ZFP91: variants seen among roughly 807,000 people sequenced by gnomAD.
The protein encoded by ZFP91 is ZFP91 zinc finger protein, atypical E3 ubiquitin ligase, also known as E3 ubiquitin-protein ligase ZFP91.
A neutral mutation model predicts 63.5 loss-of-function variants in ZFP91; 7 were observed. The observed-to-expected ratio is 0.11, with a 90% CI of 0.06 to 0.21. ZFP91 has a LOEUF of 0.21. Among genes scored for constraint, ZFP91 ranks in the 10% least tolerant of loss-of-function variants. The probability of loss-of-function intolerance (pLI) is 1.00; values close to 1 mark genes in which losing one functional copy is unlikely to be tolerated. For synonymous variants in ZFP91, 330 were observed against 272.1 expected, an observed-to-expected ratio of 1.21 and a Z score of -2.10; for missense variants, 628 against 736.6, an observed-to-expected ratio of 0.85 and a Z score of 1.71.
intron 2 of ZFP91, among the ~76,000 whole-genome samples, chr11:58,607,498 TAGG>T (rs1455582354): frequency 1.3e-5 from 2 of 150,510 alleles, no homozygotes; most frequent in Admixed American, 6.6e-5. Flanking sequence ...ATAGCTCAGA[TAGG>T]AGGGTGATGC....
chr11:58,615,405 TGTTTTA>T (rs139309329), intron 9 of ZFP91, among the ~76,000 whole-genome samples: 21,604 of 152,134 alleles, frequency 0.14, 1,725 homozygotes, highest in Admixed American at 0.19. Context: ...CACTTTAGAT[TGTTTTA>T]GTTAAATATC....
intron 1 of ZFP91, among the ~76,000 whole-genome samples, chr11:58,582,838 A>G (rs1006709710): frequency 2.0e-5 from 3 of 152,166 alleles, no homozygotes; most frequent in Non-Finnish European, 4.4e-5. Context: ...GGAAGAGGAA[A>G]TATTTGTGGA....
chr11:58,611,005 C>G lies in ZFP91; in HGVS notation c.673C>G (p.Pro225Ala). Residue 225 changes from proline (P) to alanine (A), a missense_variant, in exon 5 of 11, where the codon CCA becomes GCA. Transcript: ENST00000316059. ...EEMLISEEEI[P>A]FKDDPRDETY... ...GATGTTAATCAGTGAAGAGGAGATA[C>G]CATTCAAAGATGATCCAAGAGATGA... 1 of 1,613,144 alleles carries G rather than the reference C, an allele frequency of 6.2e-7. No individual in the cohort carries two copies. The highest frequency in any genetic ancestry group is 8.5e-7 in the Non-Finnish European group (1 of 1,179,654).
chr11:58,600,374 A>G (rs930403597), intron 2 of ZFP91, among the ~76,000 whole-genome samples: 2 of 152,172 alleles, frequency 1.3e-5, no homozygotes, highest in African/African-American at 2.4e-5. Context: ...CATTGCTAAT[A>G]TACTTAAAAC....
rs372758953 is a variant in ZFP91, at chr11:58,611,555, T to C, written c.723-49T>C. ...AAGCTTTAATTTGTTGTCATAGTCT[T>C]CCTTGAAAAGATCTTTTGTCTAGTA... On this transcript the variant is annotated intron_variant, in intron 5 of 10. Coordinates refer to ENST00000316059, the MANE Select transcript of ZFP91 (RefSeq NM_053023.5). 37 of 1,586,916 alleles carry C rather than the reference T, an allele frequency of 2.3e-5. No individual in the cohort carries two copies. The African/African-American group carries it at 4.5e-4, about 19-fold the overall frequency.
rs116372157 is a variant in ZFP91, at chr11:58,614,956, G to T, written c.1102+613G>T. Among the ~76,000 whole-genome samples, 735 of 152,268 alleles carry T rather than the reference G, an allele frequency of 4.8e-3. 7 individuals are homozygous for T. Among genetic ancestry groups the T allele is most frequent in the African/African-American group, 0.017 (699 of 41,562 alleles). Reference sequence around the variant, plus strand: ...AAATTGGGTGCATACCACTGAGTATGTCCCAGACACTTGATAATTACACAT... The same window carrying T: ...AAATTGGGTGCATACCACTGAGTATTTCCCAGACACTTGATAATTACACAT... On this transcript the variant is annotated intron_variant, in intron 9 of 10. Coordinates refer to ENST00000316059, the MANE Select transcript of ZFP91 (RefSeq NM_053023.5).
chr11:58,585,015 G>C, intron 2 of ZFP91, 131 bp downstream of exon 2: 2 of 674,656 alleles, frequency 3.0e-6, no homozygotes, highest in Non-Finnish European at 4.4e-6. Context: ...ACTGGAGTTA[G>C]AAAATATTTA....
chr11:58,607,668 G>A (rs142121802), intron 2 of ZFP91, among the ~76,000 whole-genome samples: 16 of 152,152 alleles, frequency 1.1e-4, no homozygotes, highest in African/African-American at 3.9e-4. Flanking sequence ...AGCTAAAATA[G>A]CCTATAGTCA....
At chr11:58,586,329 T>C (rs1161753681) in intron 2 of ZFP91, among the ~76,000 whole-genome samples, 1 of 152,130 alleles carries the variant, frequency 6.6e-6, no homozygotes, top group Non-Finnish European at 1.5e-5. Context: ...AGATGACCTT[T>C]GGGTAGACGT....
rs1470882572 is a variant in ZFP91 at position 58,579,068 on chromosome 11, G to C, written c.-214G>C. On this transcript the variant is annotated 5_prime_UTR_variant, in exon 1 of 11. Transcript: ENST00000316059. ...GATTGGCCCGCTGAGCGTCTGTGGCGCGCGCGCGCGCGCCGCCAGCGGTAG... is the reference window on the plus strand; with the variant it reads ...GATTGGCCCGCTGAGCGTCTGTGGCCCGCGCGCGCGCGCCGCCAGCGGTAG... The C allele has an allele frequency of 3.0e-5, 11 of 361,164 alleles. No homozygotes were observed. The highest frequency in any genetic ancestry group is 1.2e-4 in the African/African-American group (5 of 42,620). 22.4% of individuals were successfully genotyped at this position (361,164 alleles called of 1,614,324 possible). A position where few individuals can be genotyped will look rare whatever the true frequency, so the allele number is the denominator to read the frequency against.
chr11:58,603,088 G>A (rs979285467), intron 2 of ZFP91, among the ~76,000 whole-genome samples: 1 of 152,184 alleles, frequency 6.6e-6, no homozygotes, highest in Non-Finnish European at 1.5e-5. Flanking sequence ...TGATGAACAT[G>A]TTATTGGACA....
chr11:58,607,365 A>G (rs1855585242), intron 2 of ZFP91, among the ~76,000 whole-genome samples: 1 of 152,190 alleles, frequency 6.6e-6, no homozygotes, highest in African/African-American at 2.4e-5. Context: ...GATTTTGAAT[A>G]AGCTTCTTTT....
At position 58,621,090 on chromosome 11, in the gene ZFP91, G is replaced by A. The variant is rs1855843539; in HGVS notation, c.*3384G>A. 1 of 152,630 alleles carries A rather than the reference G, an allele frequency of 6.6e-6. No homozygotes were observed. Among genetic ancestry groups the A allele is most frequent in the Non-Finnish European group, 1.5e-5 (1 of 68,024 alleles). 9.5% of individuals were successfully genotyped at this position (152,630 alleles called of 1,614,324 possible). A position where few individuals can be genotyped will look rare whatever the true frequency, so the allele number is the denominator to read the frequency against. The stretch of plus-strand genomic sequence containing the variant: ...ACTGAGTTACAGTTATCCTAGGGGT[G>A]AAACATGTGATGCTGCTAAGCAAAC... On this transcript the variant is annotated 3_prime_UTR_variant, in exon 11 of 11. Transcript: ENST00000316059.
intron 2 of ZFP91, among the ~76,000 whole-genome samples, 171 bp downstream of exon 2, chr11:58,585,055 A>G (rs922019666): frequency 6.6e-6 from 1 of 152,188 alleles, no homozygotes; most frequent in Non-Finnish European, 1.5e-5. Flanking sequence ...AATAGAGTAT[A>G]TTGGCATTAT....
In ZFP91 at chr11:58,619,590, G is replaced by A. The variant is rs571884027; in HGVS notation, c.*1884G>A. The A allele has an allele frequency of 4.4e-4, 67 of 152,684 alleles. No homozygotes were observed. Among genetic ancestry groups the A allele is most frequent in the Non-Finnish European group, 7.6e-4 (52 of 68,022 alleles). The allele number at this position is 152,684 out of a possible 1,614,324, so 9.5% of individuals were successfully genotyped here. On this transcript the variant is annotated 3_prime_UTR_variant, in exon 11 of 11. Transcript: ENST00000316059. Reference sequence around the variant, plus strand: ...GTAACAAAATGTCATTTCTGAAAGAGGCTTACTTTATACCAACTAGTGTCA... The same window carrying A: ...GTAACAAAATGTCATTTCTGAAAGAAGCTTACTTTATACCAACTAGTGTCA...
intron 8 of ZFP91, 26 bp downstream of exon 8, chr11:58,612,866 CT>C: frequency 6.3e-7 from 1 of 1,592,748 alleles, no homozygotes; most frequent in South Asian, 1.1e-5. Context: ...ATATAAGAGC[CT>C]TTCAGGTTGT....
At position 58,619,889 on chromosome 11, in the gene ZFP91, C is replaced by T. The variant is rs1275781798; in HGVS notation, c.*2183C>T. 5.3e-5 allele frequency: 8 copies of T among 151,782 alleles called. No homozygotes were observed. The highest frequency in any genetic ancestry group is 1.9e-4 in the African/African-American group (8 of 41,420). The allele number at this position is 151,782 out of a possible 1,614,324, so 9.4% of individuals were successfully genotyped here. A position where few individuals can be genotyped will look rare whatever the true frequency, so the allele number is the denominator to read the frequency against. ...CTCAGGTCCCTTTTACACTTTTTGA[C>T]TAACTAGCATCTATATTCCACACTT... On this transcript the variant is annotated 3_prime_UTR_variant, in exon 11 of 11. Coordinates refer to ENST00000316059, the MANE Select transcript of ZFP91 (RefSeq NM_053023.5).
At position 58,620,566 on chromosome 11, in the gene ZFP91, G is replaced by T. The variant is rs1379115296; in HGVS notation, c.*2860G>T. 6.6e-6 allele frequency: 1 copy of T among 152,558 alleles called. No homozygotes were observed. Among genetic ancestry groups the T allele is most frequent in the Non-Finnish European group, 1.5e-5 (1 of 68,020 alleles). 9.5% of individuals were successfully genotyped at this position (152,558 alleles called of 1,614,324 possible). ...CCTTGATATGCTTCAGAGAATTTAG[G>T]CAAACACTGGCCATGGCCGTGGGAG... On this transcript the variant is annotated 3_prime_UTR_variant, in exon 11 of 11. Transcript: ENST00000316059.
intron 2 of ZFP91, among the ~76,000 whole-genome samples, chr11:58,609,521 G>C (rs1855623049): frequency 6.6e-6 from 1 of 152,134 alleles, no homozygotes; most frequent in African/African-American, 2.4e-5. Flanking sequence ...TTTTAACTTA[G>C]ATCTAAAAGG....
Sources: allele counts gnomAD v4.1 joint callset (sites outside exome capture counted in the v4.1 genomes callset), GRCh38; gene constraint gnomAD v4.1.1; transcripts MANE v1.5; gene names NCBI Gene and HGNC (gene_info 2026-07-23, HGNC 2026-07-21).